The following SORCS1 variants were observed in gnomAD, a reference collection of about 807,000 sequenced individuals.
The protein encoded by SORCS1 is VPS10 domain-containing receptor SorCS1.
SORCS1 carries 60 observed loss-of-function variants against 146.1 expected under a neutral mutation model. That is an observed-to-expected ratio of 0.41 (90% CI 0.33 to 0.51). The LOEUF is 0.51. Among genes scored for constraint, SORCS1 ranks in the 20% least tolerant of loss-of-function variants. SORCS1 has a pLI of 0.21. For synonymous variants in SORCS1, 637 were observed against 584.0 expected (o/e 1.09, Z -1.31); for missense variants, 1,352 against 1,487.6 (o/e 0.91, Z 1.50).
At position 106,671,245 on chromosome 10, in the gene SORCS1, A is replaced by G; in HGVS notation, c.2181T>C (p.Asp727=). Residue 727 remains aspartate, a synonymous_variant, in exon 16 of 26, where the codon GAT becomes GAC. Transcript: ENST00000263054. Reference sequence around the variant, plus strand: ...TAATTGCACAAGCTCACCAATCAAAATCAGCCTCAGTGCAGACACAGGGTT... The same window carrying G: ...TAATTGCACAAGCTCACCAATCAAAGTCAGCCTCAGTGCAGACACAGGGTT... The part of the protein sequence containing the change: ...ESEPCVCTEA[D]FDCDYGYERH... 1 of 1,614,118 alleles carries G rather than the reference A, an allele frequency of 6.2e-7. No individual in the cohort carries two copies. Among genetic ancestry groups the G allele is most frequent in the Non-Finnish European group, 8.5e-7 (1 of 1,179,964 alleles).
At chr10:106,877,392 G>A (rs1201385858) in intron 2 of SORCS1, among the ~76,000 whole-genome samples, 4 of 151,722 alleles carry the variant, frequency 2.6e-5, no homozygotes, top group Non-Finnish European at 5.9e-5. Context: ...AGACCAGCCT[G>A]CACAACATAG....
chr10:106,986,511 CGTGTGT>C (rs58888609), intron 1 of SORCS1, among the ~76,000 whole-genome samples: 5,196 of 148,270 alleles, frequency 0.035, 162 homozygotes, highest in African/African-American at 0.072. Flanking sequence ...TATATACAAC[CGTGTGT>C]GTGTGTGTGT....
chr10:106,984,697 A>C (rs539715498), intron 1 of SORCS1, among the ~76,000 whole-genome samples: 1 of 151,836 alleles, frequency 6.6e-6, no homozygotes, highest in Non-Finnish European at 1.5e-5. Flanking sequence ...CTGGCCTACC[A>C]TTCTTAATTG....
chr10:107,027,035 A>AT (rs1564943007), intron 1 of SORCS1, among the ~76,000 whole-genome samples: 102 of 63,854 alleles, frequency 1.6e-3, no homozygotes, highest in African/African-American at 4.8e-3. Flanking sequence ...TATATATATA[A>AT]AAATATATAT....
chr10:107,175,269 A>T, the SORCS1 span, among the ~76,000 whole-genome samples: 1 of 152,166 alleles, frequency 6.6e-6, no homozygotes, highest in Admixed American at 6.5e-5. Context: ...GGCACCATAA[A>T]GCAAGCTGAT....
chr10:106,712,139 C>T (rs1422514457), intron 6 of SORCS1, among the ~76,000 whole-genome samples: 1 of 152,176 alleles, frequency 6.6e-6, no homozygotes, highest in East Asian at 1.9e-4. Context: ...AGACTTGAAT[C>T]AGATGCCACA....
chr10:107,016,835 T>C (rs1421823060), intron 1 of SORCS1, among the ~76,000 whole-genome samples: 1 of 152,076 alleles, frequency 6.6e-6, no homozygotes, highest in Non-Finnish European at 1.5e-5. Flanking sequence ...AAAGAAAAGA[T>C]AGCCTAACAG....
intron 3 of SORCS1, among the ~76,000 whole-genome samples, chr10:106,801,732 G>C (rs940080668): frequency 6.6e-6 from 1 of 152,062 alleles, no homozygotes; most frequent in South Asian, 2.1e-4. Flanking sequence ...TGGTTTCACT[G>C]TGTTAGCCAG....
At chr10:106,770,694 C>T in intron 4 of SORCS1, among the ~76,000 whole-genome samples, 1 of 152,266 alleles carries the variant, frequency 6.6e-6, no homozygotes, top group Middle Eastern at 3.4e-3. Flanking sequence ...AGCAGAATTA[C>T]TTCTCTCAAA....
intron 21 of SORCS1, 78 bp from the exon 22 acceptor site, chr10:106,612,101 C>T: frequency 8.7e-7 from 1 of 1,148,182 alleles, no homozygotes; most frequent in Non-Finnish European, 1.3e-6. Context: ...ATATTTTATA[C>T]AAAATGGAGG....
chr10:106,720,984 C>T (rs1441291116), intron 6 of SORCS1, among the ~76,000 whole-genome samples: 2 of 151,328 alleles, frequency 1.3e-5, no homozygotes, highest in African/African-American at 4.9e-5. Flanking sequence ...TGTCTTCAGG[C>T]TACTAAATCA....
At chr10:106,751,058 C>CAAAAA (rs35691571) in intron 5 of SORCS1, among the ~76,000 whole-genome samples, 1 of 22,444 alleles carries the variant, frequency 4.5e-5, no homozygotes, top group African/African-American at 1.3e-4. Context: ...GACTCCGTCT[C>CAAAAA]AAAAAAAAAA....
chr10:107,026,129 G>T (rs149061212), intron 1 of SORCS1, among the ~76,000 whole-genome samples: 1 of 152,286 alleles, frequency 6.6e-6, no homozygotes, highest in Non-Finnish European at 1.5e-5. Flanking sequence ...CAAATCTGCA[G>T]ATTTTCAAAT....
intron 1 of SORCS1, among the ~76,000 whole-genome samples, chr10:107,122,825 G>A (rs977411672): frequency 6.6e-6 from 1 of 152,160 alleles, no homozygotes; most frequent in African/African-American, 2.4e-5. Flanking sequence ...AGAGGAAAAG[G>A]AAGGAAAACT....
intron 18 of SORCS1, among the ~76,000 whole-genome samples, chr10:106,648,402 C>A (rs1486274673): frequency 2.0e-5 from 3 of 152,078 alleles, no homozygotes; most frequent in African/African-American, 7.2e-5. Context: ...ATATCATGAA[C>A]CTTAAACTAC....
chr10:106,998,155 T>C (rs1957075896), intron 1 of SORCS1, among the ~76,000 whole-genome samples: 2 of 152,268 alleles, frequency 1.3e-5, no homozygotes, highest in South Asian at 4.1e-4. Context: ...CATGTTTATA[T>C]CCGCTGCTTT....
At chr10:106,718,353 G>C (rs897924174) in intron 6 of SORCS1, among the ~76,000 whole-genome samples, 1 of 152,190 alleles carries the variant, frequency 6.6e-6, no homozygotes, top group African/African-American at 2.4e-5. Context: ...TGGGTTCTTG[G>C]TCTTGCTGAC....
At chr10:106,674,079 G>A (rs1851817195) in intron 14 of SORCS1, among the ~76,000 whole-genome samples, 1 of 151,290 alleles carries the variant, frequency 6.6e-6, no homozygotes, top group African/African-American at 2.4e-5. Flanking sequence ...TACTTTGGGA[G>A]GCCGAGGCAG....
At chr10:106,788,245 G>A (rs1011806829) in intron 3 of SORCS1, among the ~76,000 whole-genome samples, 1 of 152,126 alleles carries the variant, frequency 6.6e-6, no homozygotes, top group African/African-American at 2.4e-5. Flanking sequence ...TTCAAGATGA[G>A]ATTTGGGTAG....
Sources: gnomAD v4.1 joint callset for allele counts (sites outside exome capture counted in the v4.1 genomes callset) on GRCh38, gnomAD v4.1.1 for gene constraint, MANE v1.5 for transcripts, NCBI Gene and HGNC (gene_info 2026-07-23, HGNC 2026-07-21) for gene names.